The following HDAC9 variants were observed in gnomAD, a reference collection of about 807,000 sequenced individuals.
HDAC9 encodes histone deacetylase 9.
In HDAC9, 41 loss-of-function variants were observed where a neutral mutation model predicts 139.4. The observed-to-expected ratio is 0.29, with a 90% confidence interval of 0.23 to 0.38. The LOEUF is 0.38. Ranked by LOEUF, HDAC9 falls within the 10% of genes least tolerant of loss-of-function variation. HDAC9 has a pLI of 1.00. For synonymous variants in HDAC9, 517 were observed against 476.2 expected, an observed-to-expected ratio of 1.09 and a Z score of -1.12; for missense variants, 1,147 against 1,297.0, an observed-to-expected ratio of 0.88 and a Z score of 1.78.
At chr7:18,337,819 G>C (rs1452500462) in intron 1 of HDAC9, among the ~76,000 whole-genome samples, 1 of 151,776 alleles carries the variant, frequency 6.6e-6, no homozygotes, top group Non-Finnish European at 1.5e-5. Context: ...AAAATTGAAG[G>C]AGATGGGTAA....
At chr7:18,265,340 TA>T (rs1277630604) in intron 2 of HDAC9, among the ~76,000 whole-genome samples, 10 of 152,206 alleles carry the variant, frequency 6.6e-5, no homozygotes, top group African/African-American at 2.4e-4. Flanking sequence ...CACTATCTGC[TA>T]TTAGCTATCT....
intron 2 of HDAC9, among the ~76,000 whole-genome samples, chr7:18,245,915 T>C (rs973956433): frequency 6.6e-6 from 1 of 151,820 alleles, no homozygotes; most frequent in African/African-American, 2.4e-5. Context: ...AGAAGTTAGT[T>C]ACCATGACTG....
chr7:18,094,536 T>A (rs142917247), intron 1 of HDAC9, among the ~76,000 whole-genome samples: 1 of 151,342 alleles, frequency 6.6e-6, no homozygotes, highest in African/African-American at 2.4e-5. Flanking sequence ...GCTCAAGTGA[T>A]CCTTCTGTGT....
intron 21 of HDAC9, among the ~76,000 whole-genome samples, chr7:18,852,473 A>G (rs1451369937): frequency 6.6e-6 from 1 of 152,196 alleles, no homozygotes; most frequent in African/African-American, 2.4e-5. Context: ...ACAATTACAG[A>G]AACTCTCTTT....
intron 2 of HDAC9, among the ~76,000 whole-genome samples, chr7:18,555,460 T>A (rs963048991): frequency 6.6e-6 from 1 of 152,168 alleles, no homozygotes; most frequent in South Asian, 2.1e-4. Context: ...GTGAATATGA[T>A]CTGGCTTTTA....
At chr7:18,740,813 ATTAAAAGTGTTACT>A (rs1273425879) in intron 13 of HDAC9, among the ~76,000 whole-genome samples, 3 of 152,234 alleles carry the variant, frequency 2.0e-5, no homozygotes, top group African/African-American at 7.2e-5. Context: ...CTTGAAGGAA[ATTAAAAGTGTTACT>A]GTAGTGAACA....
intron 6 of HDAC9, among the ~76,000 whole-genome samples, chr7:18,594,283 C>G (rs1356740801): frequency 6.6e-6 from 1 of 151,978 alleles, no homozygotes; most frequent in Non-Finnish European, 1.5e-5. Context: ...AAATTATTTT[C>G]TTACTAGGAA....
intron 1 of HDAC9, among the ~76,000 whole-genome samples, chr7:18,444,384 A>C (rs1401115322): frequency 6.6e-6 from 1 of 151,302 alleles, no homozygotes; most frequent in Non-Finnish European, 1.5e-5. Context: ...TGTGCTATCA[A>C]CATCAATAAT....
intron 1 of HDAC9, among the ~76,000 whole-genome samples, chr7:18,322,885 A>G (rs1290307473): frequency 6.6e-6 from 1 of 152,120 alleles, no homozygotes; most frequent in Non-Finnish European, 1.5e-5. Flanking sequence ...AGGATTCATG[A>G]GGGGAAAGGA....
intron 13 of HDAC9, among the ~76,000 whole-genome samples, chr7:18,741,191 A>G (rs1787416664): frequency 6.6e-6 from 1 of 152,242 alleles, no homozygotes; most frequent in South Asian, 2.1e-4. Context: ...TGTAGATGAA[A>G]GAGCCTTTCA....
At chr7:18,246,920 C>T (rs1794580914) in intron 2 of HDAC9, among the ~76,000 whole-genome samples, 1 of 151,994 alleles carries the variant, frequency 6.6e-6, no homozygotes, top group African/African-American at 2.4e-5. Context: ...GATTTTGAAT[C>T]TAGGACCAAG....
At chr7:18,296,608 G>C (rs1798166410) in intron 1 of HDAC9, among the ~76,000 whole-genome samples, 1 of 152,124 alleles carries the variant, frequency 6.6e-6, no homozygotes, top group Admixed American at 6.6e-5. Context: ...ACATATGTAT[G>C]TATCCCCAAA....
chr7:18,659,623 G>A (rs1415306236), intron 11 of HDAC9, among the ~76,000 whole-genome samples: 1 of 152,110 alleles, frequency 6.6e-6, no homozygotes, highest in African/African-American at 2.4e-5. Flanking sequence ...CAGTAGCACA[G>A]AGAATAGAGA....
chr7:18,092,367 G>A (rs1392087477), intron 1 of HDAC9, among the ~76,000 whole-genome samples: 1 of 151,752 alleles, frequency 6.6e-6, no homozygotes, highest in East Asian at 1.9e-4. Context: ...TCCAGCCTGG[G>A]CAACACAGTA....
chr7:18,228,350 AT>A (rs1793213506), intron 2 of HDAC9, among the ~76,000 whole-genome samples: 1 of 151,704 alleles, frequency 6.6e-6, no homozygotes, highest in Non-Finnish European at 1.5e-5. Context: ...ATAAAACTCA[AT>A]TTTTCTGGTA....
intron 14 of HDAC9, among the ~76,000 whole-genome samples, chr7:18,752,426 A>G (rs1788532113): frequency 1.3e-5 from 2 of 152,126 alleles, no homozygotes; most frequent in African/African-American, 4.8e-5. Context: ...ATTTACCAAG[A>G]TACCCCAAGG....
In HDAC9 at chr7:18,901,277, A is replaced by T. The variant is rs990217261; in HGVS notation, c.2803+26681A>T. ...ATACATATACATATATATATATATA[A>T]AATTGTATGAATAATATATTTTGTT... On this transcript the variant is annotated intron_variant, in intron 22 of 25. Transcript: ENST00000686413. Among the ~76,000 whole-genome samples the T allele has an allele frequency of 4.7e-5, 7 of 149,378 alleles. No individual in the cohort carries two copies. In the East Asian group the frequency reaches 5.9e-4, roughly 13 times the overall value.
intron 19 of HDAC9, 82 bp downstream of exon 19, chr7:18,829,630 T>C: frequency 1.1e-6 from 1 of 883,408 alleles, no homozygotes; most frequent in Non-Finnish European, 1.8e-6. Context: ...TAGGTTGTCT[T>C]GCTTTTAGCA....
intron 2 of HDAC9, among the ~76,000 whole-genome samples, chr7:18,244,789 G>A (rs1403100212): frequency 6.7e-6 from 1 of 149,778 alleles, no homozygotes; most frequent in Middle Eastern, 3.2e-3. Flanking sequence ...CAGAGTGAGA[G>A]ACAGAGTGAG....
Sources: gnomAD v4.1 joint callset for allele counts (sites outside exome capture counted in the v4.1 genomes callset) on GRCh38, gnomAD v4.1.1 for gene constraint, MANE v1.5 for transcripts, NCBI Gene and HGNC (gene_info 2026-07-23, HGNC 2026-07-21) for gene names.